Variants in TNR observed in about 807,000 individuals in gnomAD.
TNR encodes the protein tenascin-R.
In TNR, 45 loss-of-function variants were observed where a neutral mutation model predicts 150.4. That is an observed-to-expected ratio of 0.30 (90% confidence interval 0.24 to 0.38). The LOEUF (loss-of-function observed/expected upper bound fraction) is 0.38. Among genes scored for constraint, TNR ranks in the 10% least tolerant of loss-of-function variants. The pLI, the probability that TNR is intolerant of heterozygous loss-of-function variation, is 1.00. For synonymous variants in TNR, 687 were observed against 678.4 expected, an observed-to-expected ratio of 1.01 and a Z score of -0.20; for missense variants, 1,544 against 1,759.1, an observed-to-expected ratio of 0.88 and a Z score of 2.19.
At chr1:175,616,548 A>T (rs1451915816) in intron 1 of TNR, among the ~76,000 whole-genome samples, 1 of 152,184 alleles carries the variant, frequency 6.6e-6, no homozygotes, top group Non-Finnish European at 1.5e-5. Context: ...CAGAGGAAAC[A>T]AAATCTCTTC....
chr1:175,334,267 G>A (rs764064408), intron 20 of TNR, among the ~76,000 whole-genome samples: 1 of 152,188 alleles, frequency 6.6e-6, no homozygotes, highest in Non-Finnish European at 1.5e-5. Flanking sequence ...TCTGGGCATA[G>A]GCCAAGCTAA....
At chr1:175,461,280 A>C (rs1294813211) in intron 2 of TNR, among the ~76,000 whole-genome samples, 1 of 152,162 alleles carries the variant, frequency 6.6e-6, no homozygotes, top group Non-Finnish European at 1.5e-5. Context: ...ATTTACTGGG[A>C]CTAAGATTTA....
At chr1:175,735,508 G>A (rs919803255) in intron 1 of TNR, among the ~76,000 whole-genome samples, 8 of 152,150 alleles carry the variant, frequency 5.3e-5, no homozygotes, top group East Asian at 1.9e-4. Context: ...CCACACAAAC[G>A]CCAGCACTCA....
At chr1:175,325,203 G>A (rs777253389) in intron 21 of TNR, among the ~76,000 whole-genome samples, 13 of 152,280 alleles carry the variant, frequency 8.5e-5, no homozygotes, top group Non-Finnish European at 1.9e-4. Flanking sequence ...TAAATTCTGT[G>A]GGGAAGTATG....
chr1:175,387,103 G>A (rs1249353559), intron 7 of TNR, among the ~76,000 whole-genome samples: 1 of 152,174 alleles, frequency 6.6e-6, no homozygotes, highest in Admixed American at 6.5e-5. Flanking sequence ...TTCCTGCAGG[G>A]CCCACCAGCT....
At chr1:175,339,465 G>C (rs939865464) in intron 18 of TNR, among the ~76,000 whole-genome samples, 1 of 152,170 alleles carries the variant, frequency 6.6e-6, no homozygotes, top group African/African-American at 2.4e-5. Context: ...CCTACCCCTA[G>C]AGGCTACAGT....
rs1290544587 is a variant in TNR, at chr1:175,396,805, C to G, written c.979G>C (p.Ala327Pro). The change falls in exon 5 of 23, where the codon GCC becomes CCC. Residue 327 changes from alanine to proline, a missense_variant and splice_region_variant. This residue lies in a region of TNR where 1,254 missense variants were observed against 1,329.4 expected (regional missense o/e 0.94). Coordinates refer to ENST00000367674, the MANE Select transcript of TNR (RefSeq NM_003285.3). ...GCCACTCGCAAGTCCTCTGGAGGGG[C>G]AACTACCGGGAGGCAATACACAGAT... ...GYQGPDCSAV[A>P]PPEDLRVAGI... 1 of 1,611,842 alleles carries G rather than the reference C, an allele frequency of 6.2e-7. No homozygotes were observed. The highest frequency in any genetic ancestry group is 1.3e-5 in the African/African-American group (1 of 74,926).
intron 20 of TNR, among the ~76,000 whole-genome samples, chr1:175,332,583 A>G (rs1468306394): frequency 6.6e-6 from 1 of 152,156 alleles, no homozygotes; most frequent in African/African-American, 2.4e-5. Context: ...CTACATCATC[A>G]AGTAAAGACT....
At chr1:175,491,926 G>GA (rs1220450376) in intron 2 of TNR, among the ~76,000 whole-genome samples, 1 of 152,108 alleles carries the variant, frequency 6.6e-6, no homozygotes, top group African/African-American at 2.4e-5. Flanking sequence ...TGGGATTACA[G>GA]CGTGAGCCAC....
At chr1:175,602,738 A>C (rs1197740926) in intron 1 of TNR, among the ~76,000 whole-genome samples, 1 of 152,186 alleles carries the variant, frequency 6.6e-6, no homozygotes, top group Non-Finnish European at 1.5e-5. Flanking sequence ...TATTAGAAGG[A>C]GGAAGAAGTG....
chr1:175,405,578 C>T (rs543124696), intron 3 of TNR, among the ~76,000 whole-genome samples: 7 of 151,074 alleles, frequency 4.6e-5, no homozygotes, highest in Non-Finnish European at 7.4e-5. Context: ...TGAGAGCATG[C>T]GTGTGTGCAT....
intron 9 of TNR, among the ~76,000 whole-genome samples, chr1:175,371,995 G>A (rs1225562473): frequency 6.6e-6 from 1 of 151,760 alleles, no homozygotes; most frequent in Non-Finnish European, 1.5e-5. Flanking sequence ...GAGGTGTTTG[G>A]GTCATGGGGG....
In TNR at chr1:175,730,429, C is replaced by T. The variant is rs1280475006; in HGVS notation, c.-165+12797G>A. Reference sequence around the variant, plus strand: ...AGTTATCTTTGTGACTCCCCCTCTACTCCAACCAGATTGGGAGATCCTCAA... The same window carrying T: ...AGTTATCTTTGTGACTCCCCCTCTATTCCAACCAGATTGGGAGATCCTCAA... On this transcript the variant is annotated intron_variant, in intron 1 of 22. Transcript: ENST00000367674. Among the ~76,000 whole-genome samples the T allele has an allele frequency of 2.0e-5, 3 of 152,224 alleles. No homozygotes were observed. The East Asian group carries it at 5.8e-4, about 29-fold the overall frequency.
chr1:175,385,489 T>A (rs1652874547), intron 8 of TNR, among the ~76,000 whole-genome samples: 1 of 152,218 alleles, frequency 6.6e-6, no homozygotes, highest in African/African-American at 2.4e-5. Flanking sequence ...TTACTGCTAG[T>A]GCTTACAAAC....
chr1:175,459,319 T>A (rs1656714535), intron 2 of TNR, among the ~76,000 whole-genome samples: 1 of 152,112 alleles, frequency 6.6e-6, no homozygotes, highest in South Asian at 2.1e-4. Flanking sequence ...CATCATTACC[T>A]CCAAGATTAT....
At chr1:175,584,730 A>G (rs1485064549) in intron 1 of TNR, among the ~76,000 whole-genome samples, 1 of 152,226 alleles carries the variant, frequency 6.6e-6, no homozygotes, top group Non-Finnish European at 1.5e-5. Flanking sequence ...ATTTTTACTC[A>G]TAATAATTGG....
At chr1:175,376,715 C>T (rs146801393) in intron 9 of TNR, among the ~76,000 whole-genome samples, 253 of 152,268 alleles carry the variant, frequency 1.7e-3, no homozygotes, top group African/African-American at 5.8e-3. Flanking sequence ...ACAATCCTTG[C>T]AACTAGCATC....
chr1:175,730,338 C>T (rs1667605516), intron 1 of TNR, among the ~76,000 whole-genome samples: 1 of 152,182 alleles, frequency 6.6e-6, no homozygotes, highest in South Asian at 2.1e-4. Context: ...CAGAATGAGT[C>T]ACCCTTCCCT....
chr1:175,472,161 T>G (rs1335267844), intron 2 of TNR, among the ~76,000 whole-genome samples: 3 of 152,096 alleles, frequency 2.0e-5, no homozygotes, highest in Non-Finnish European at 4.4e-5. Flanking sequence ...AACAAAGGCA[T>G]GAACACACAG....
Sources: gnomAD v4.1 joint callset for allele counts (sites outside exome capture counted in the v4.1 genomes callset) on GRCh38, gnomAD v4.1.1 for gene constraint, gnomAD v4.1.1 regional missense constraint, MANE v1.5 for transcripts, NCBI Gene and HGNC (gene_info 2026-07-23, HGNC 2026-07-21) for gene names.